Variants in ENTREP1 observed in about 807,000 individuals in gnomAD.
ENTREP1 encodes endosomal transmembrane epsin interactor 1.
chr9:69,386,105 A>G, the ENTREP1 span: 4 of 536,114 alleles, frequency 7.5e-6, no homozygotes, highest in Admixed American at 4.3e-5. Context: ...TTCTACGTCC[A>G]TGTTAGGAAT....
the ENTREP1 span, among the ~76,000 whole-genome samples, chr9:69,348,795 C>T: frequency 3.3e-5 from 5 of 152,288 alleles, no homozygotes; most frequent in East Asian, 9.6e-4. Flanking sequence ...CAGTACTTGT[C>T]CCTTTTTTAT....
the ENTREP1 span, chr9:69,377,477 C>T: frequency 5.0e-6 from 8 of 1,611,304 alleles, no homozygotes; most frequent in East Asian, 2.2e-5. Context: ...GATCCTGCAT[C>T]GTAAGTCTAT....
the ENTREP1 span, chr9:69,391,749 T>G: frequency 1.2e-6 from 2 of 1,613,392 alleles, no homozygotes; most frequent in Non-Finnish European, 1.7e-6. Flanking sequence ...CCCCGGCGAG[T>G]GGAGGCTGAG....
chr9:69,351,120 C>G, the ENTREP1 span, among the ~76,000 whole-genome samples: 1 of 152,170 alleles, frequency 6.6e-6, no homozygotes, highest in Non-Finnish European at 1.5e-5. Flanking sequence ...TCCAATTGAA[C>G]AGAACCTTAT....
At chr9:69,334,437 A>G in the ENTREP1 span, among the ~76,000 whole-genome samples, 1 of 152,190 alleles carries the variant, frequency 6.6e-6, no homozygotes, top group African/African-American at 2.4e-5. Flanking sequence ...GCTAGTGAGA[A>G]TGGAGAATAT....
the ENTREP1 span, chr9:69,386,135 T>A: frequency 4.3e-6 from 2 of 464,134 alleles, no homozygotes; most frequent in Non-Finnish European, 7.0e-6. Context: ...CCATGTCTTT[T>A]AAGGATGGTA....
chr9:69,341,669 T>G, the ENTREP1 span, among the ~76,000 whole-genome samples: 7 of 152,116 alleles, frequency 4.6e-5, no homozygotes, highest in African/African-American at 7.2e-5. Context: ...AGATAGATTG[T>G]GGTCTTTTTT....
At chr9:69,390,848 C>G in the ENTREP1 span, among the ~76,000 whole-genome samples, 1 of 151,900 alleles carries the variant, frequency 6.6e-6, no homozygotes, top group Non-Finnish European at 1.5e-5. Context: ...GCGATGTTGT[C>G]CAGGCTGGTC....
At chr9:69,334,746 G>A in the ENTREP1 span, among the ~76,000 whole-genome samples, 1 of 150,426 alleles carries the variant, frequency 6.6e-6, no homozygotes, top group African/African-American at 2.4e-5. Flanking sequence ...TTATGTTTTG[G>A]CAAAATAGTG....
chr9:69,356,631 T>C, the ENTREP1 span, among the ~76,000 whole-genome samples: 1 of 152,212 alleles, frequency 6.6e-6, no homozygotes, highest in African/African-American at 2.4e-5. Context: ...AAGTGGAGTC[T>C]CAGGAACCAT....
chr9:69,365,150 G>A, the ENTREP1 span, among the ~76,000 whole-genome samples: 2 of 152,096 alleles, frequency 1.3e-5, no homozygotes, highest in African/African-American at 2.4e-5. Flanking sequence ...GCTAAATTTT[G>A]ACAATTTGAA....
At chr9:69,326,646 GAGA>G in the ENTREP1 span, among the ~76,000 whole-genome samples, 3 of 152,252 alleles carry the variant, frequency 2.0e-5, no homozygotes, top group Admixed American at 6.5e-5. Flanking sequence ...TGGGTGTTGA[GAGA>G]CTTGGAAACA....
At chr9:69,368,552 C>T in the ENTREP1 span, among the ~76,000 whole-genome samples, 1 of 152,092 alleles carries the variant, frequency 6.6e-6, no homozygotes, top group African/African-American at 2.4e-5. Flanking sequence ...ATTCAGTTTG[C>T]TAGCATTTTA....
At chr9:69,339,653 A>G in the ENTREP1 span, among the ~76,000 whole-genome samples, 1 of 152,144 alleles carries the variant, frequency 6.6e-6, no homozygotes, top group East Asian at 1.9e-4. Context: ...GAGCCAGAGG[A>G]CCCCATGGGT....
At chr9:69,375,797 C>T in the ENTREP1 span, 1 of 1,613,894 alleles carries the variant, frequency 6.2e-7, no homozygotes, top group Non-Finnish European at 8.5e-7. Context: ...GCCAAGTGCA[C>T]AGACAAAGAA....
the ENTREP1 span, among the ~76,000 whole-genome samples, chr9:69,340,698 T>C: frequency 9.6e-6 from 1 of 104,006 alleles, no homozygotes; most frequent in East Asian, 2.4e-4. Context: ...TGTGTGTATG[T>C]GTGTGTGTAT....
At chr9:69,349,337 C>T in the ENTREP1 span, among the ~76,000 whole-genome samples, 2 of 151,912 alleles carry the variant, frequency 1.3e-5, no homozygotes, top group Admixed American at 6.6e-5. Flanking sequence ...ACATGTTTAA[C>T]GTTTTGAGAA....
the ENTREP1 span, chr9:69,371,374 C>T: frequency 3.7e-6 from 3 of 814,626 alleles, no homozygotes; most frequent in South Asian, 1.4e-5. Context: ...ATTGAAAACA[C>T]GGTTCTGATC....
At chr9:69,377,230 C>G in the ENTREP1 span, 2 of 655,542 alleles carry the variant, frequency 3.1e-6, no homozygotes, top group Non-Finnish European at 5.5e-6. Context: ...GAGCCAAACA[C>G]CATCTAAGTC....
Sources: gnomAD v4.1 joint callset for allele counts (sites outside exome capture counted in the v4.1 genomes callset) on GRCh38, gnomAD v4.1.1 for gene constraint, MANE v1.5 for transcripts, NCBI Gene and HGNC (gene_info 2026-07-23, HGNC 2026-07-21) for gene names.